The following L3MBTL4 variants were observed in gnomAD, a reference collection of about 807,000 sequenced individuals.
L3MBTL4 encodes the protein lethal(3)malignant brain tumor-like protein 4.
In L3MBTL4, 70 loss-of-function variants were observed where a neutral mutation model predicts 84.5. The observed-to-expected ratio is 0.83, with a 90% CI of 0.68 to 1.01. The LOEUF is 1.01. Ranked by LOEUF, L3MBTL4 falls within the 50% of genes least tolerant of loss-of-function variation. The pLI is 0.00. For missense variants in L3MBTL4, 715 were observed against 754.8 expected (o/e 0.95, Z 0.62); for synonymous variants, 274 against 259.8 (o/e 1.05, Z -0.52).
At chr18:6,073,899 T>A (rs2057772808) in intron 16 of L3MBTL4, among the ~76,000 whole-genome samples, 2 of 152,196 alleles carry the variant, frequency 1.3e-5, no homozygotes, top group South Asian at 4.1e-4. Context: ...CTGAGGAGTG[T>A]TTGCTTTCTT....
At chr18:6,147,659 A>C (rs2042713207) in intron 13 of L3MBTL4, among the ~76,000 whole-genome samples, 1 of 152,174 alleles carries the variant, frequency 6.6e-6, no homozygotes, top group South Asian at 2.1e-4. Context: ...GAAAGAGATG[A>C]ATCGATATAA....
intron 12 of L3MBTL4, among the ~76,000 whole-genome samples, chr18:6,175,282 TA>T (rs1464618561): frequency 2.0e-5 from 3 of 152,066 alleles, no homozygotes; most frequent in African/African-American, 7.2e-5. Flanking sequence ...ATGACATCTT[TA>T]AAACGCTAAC....
At chr18:6,037,666 T>G (rs1302837784) in intron 16 of L3MBTL4, among the ~76,000 whole-genome samples, 1 of 152,272 alleles carries the variant, frequency 6.6e-6, no homozygotes, top group Non-Finnish European at 1.5e-5. Context: ...TGAAGTATTC[T>G]GCTTGCAGTA....
chr18:6,295,535 C>A (rs187098091), intron 4 of L3MBTL4, among the ~76,000 whole-genome samples: 1 of 151,816 alleles, frequency 6.6e-6, no homozygotes, highest in African/African-American at 2.4e-5. Context: ...CAGAATCCTA[C>A]GGAGGGGGGC....
chr18:6,395,832 G>A (rs2055247584), intron 1 of L3MBTL4: 1 of 152,124 alleles, frequency 6.6e-6, no homozygotes, highest in African/African-American at 2.4e-5. Context: ...CTACAATAAA[G>A]ATGCGGAAAA....
upstream of L3MBTL4, chr18:6,415,179 G>A (rs185826225): frequency 1.1e-4 from 17 of 152,358 alleles, no homozygotes; most frequent in East Asian, 2.5e-3. Flanking sequence ...CTTGCTCCCT[G>A]GCAGCGAAGT....
At chr18:6,043,881 A>G (rs2056507108) in intron 16 of L3MBTL4, among the ~76,000 whole-genome samples, 1 of 152,206 alleles carries the variant, frequency 6.6e-6, no homozygotes, top group Non-Finnish European at 1.5e-5. Context: ...CTCACTTCTC[A>G]TGACCAGGAT....
intron 3 of L3MBTL4, among the ~76,000 whole-genome samples, chr18:6,309,348 C>G (rs1026465716): frequency 1.3e-5 from 2 of 152,212 alleles, no homozygotes; most frequent in Admixed American, 1.3e-4. Flanking sequence ...CCCAAACTGA[C>G]AGTGCAACGT....
chr18:6,358,895 C>T (rs1187718117), intron 1 of L3MBTL4, among the ~76,000 whole-genome samples: 1 of 152,166 alleles, frequency 6.6e-6, no homozygotes, highest in Non-Finnish European at 1.5e-5. Flanking sequence ...GAGAACTTGC[C>T]ATGTCTATTT....
At chr18:6,012,209 A>C (rs2054771904) in intron 16 of L3MBTL4, among the ~76,000 whole-genome samples, 1 of 152,140 alleles carries the variant, frequency 6.6e-6, no homozygotes, top group African/African-American at 2.4e-5. Context: ...GAAGATCACA[A>C]AACAATCAAG....
chr18:6,218,834 A>G (rs1346082022), intron 10 of L3MBTL4, among the ~76,000 whole-genome samples: 2 of 152,152 alleles, frequency 1.3e-5, no homozygotes, highest in African/African-American at 2.4e-5. Flanking sequence ...TTGGGAAGCA[A>G]GAAGTAGGGC....
rs571949912 is a variant in L3MBTL4 at position 6,294,622 on chromosome 18, G to A, written c.127+7281C>T. Among the ~76,000 whole-genome samples the A allele has an allele frequency of 4.7e-4, 71 of 152,296 alleles. 1 individual carries two copies. The highest frequency in any genetic ancestry group is 1.5e-3 in the African/African-American group (64 of 41,570). ...CTGGCCACCACCAGGCCCTCCCTACGTAAGTGCACTGCCTACAGGGCTTGA... is the reference window on the plus strand; with the variant it reads ...CTGGCCACCACCAGGCCCTCCCTACATAAGTGCACTGCCTACAGGGCTTGA... On this transcript the variant is annotated intron_variant, in intron 4 of 18. Coordinates refer to ENST00000317931, the MANE Select transcript of L3MBTL4 (RefSeq NM_001330559.2).
intron 13 of L3MBTL4, among the ~76,000 whole-genome samples, chr18:6,150,443 A>G (rs2042844274): frequency 1.3e-5 from 2 of 152,174 alleles, no homozygotes; most frequent in Middle Eastern, 3.4e-3. Context: ...ACACACACAC[A>G]CACGCACATA....
intron 16 of L3MBTL4, among the ~76,000 whole-genome samples, chr18:6,008,031 C>A (rs976907975): frequency 6.6e-6 from 1 of 152,164 alleles, no homozygotes; most frequent in African/African-American, 2.4e-5. Flanking sequence ...AAACAAAATG[C>A]TAAGATAGTT....
At chr18:5,970,268 G>T (rs2052574402) in intron 16 of L3MBTL4, among the ~76,000 whole-genome samples, 1 of 152,234 alleles carries the variant, frequency 6.6e-6, no homozygotes, top group Non-Finnish European at 1.5e-5. Context: ...GAGCAGCTCT[G>T]AATGTACCAT....
chr18:6,122,663 T>C (rs888109212), intron 14 of L3MBTL4, among the ~76,000 whole-genome samples: 7 of 152,220 alleles, frequency 4.6e-5, no homozygotes, highest in Admixed American at 2.0e-4. Flanking sequence ...GTCTTGGGTA[T>C]GTCTTTATCA....
intron 12 of L3MBTL4, among the ~76,000 whole-genome samples, chr18:6,176,537 A>G (rs1238556940): frequency 1.3e-5 from 2 of 152,170 alleles, no homozygotes; most frequent in Non-Finnish European, 1.5e-5. Flanking sequence ...TCTACCTCAC[A>G]TCACACATAC....
intron 16 of L3MBTL4, among the ~76,000 whole-genome samples, chr18:6,051,550 AAG>A (rs1598570910): frequency 6.6e-6 from 1 of 151,996 alleles, no homozygotes; most frequent in African/African-American, 2.4e-5. Flanking sequence ...AAAAAAAAAA[AAG>A]GAAGAAACGA....
At chr18:6,308,575 G>A (rs2050693391) in intron 3 of L3MBTL4, among the ~76,000 whole-genome samples, 1 of 152,076 alleles carries the variant, frequency 6.6e-6, no homozygotes, top group Admixed American at 6.6e-5. Flanking sequence ...ATAAATTATG[G>A]TACATTCATA....
Sources: allele counts gnomAD v4.1 joint callset (sites outside exome capture counted in the v4.1 genomes callset), GRCh38; gene constraint gnomAD v4.1.1; transcripts MANE v1.5; gene names NCBI Gene and HGNC (gene_info 2026-07-23, HGNC 2026-07-21).